Variants in LFNG observed in about 807,000 individuals in gnomAD.
LFNG encodes the protein LFNG O-fucosylpeptide 3-beta-N-acetylglucosaminyltransferase, also known as beta-1,3-N-acetylglucosaminyltransferase lunatic fringe.
In LFNG, 15 loss-of-function variants were observed where a neutral mutation model predicts 32.7. That is an observed-to-expected ratio of 0.46 (90% CI 0.31 to 0.71). The LOEUF (loss-of-function observed/expected upper bound fraction) is 0.71. LFNG is among the 30% of genes least tolerant of loss of function. The pLI is 0.06. For synonymous variants in LFNG, 274 were observed against 246.8 expected, an observed-to-expected ratio of 1.11 and a Z score of -1.03; for missense variants, 520 against 545.7, an observed-to-expected ratio of 0.95 and a Z score of 0.47.
In LFNG at chr7:2,525,219, G is replaced by T. The variant is rs1407063822; in HGVS notation, c.482G>T (p.Gly161Val). Residue 161 changes from glycine (G) to valine (V), a missense_variant and splice_region_variant, in exon 3 of 8, where the codon GGC becomes GTC. Gly to Val is a moderately radical substitution (Grantham distance 109). Transcript: ENST00000222725. ...CTCACAGCCGCTCCCCTGTCCACAG[G>T]CAACGTGGTCATCACAAACTGCTCG... ...GEDEALARHT[G>V]NVVITNCSAA... 1 of 1,612,474 alleles carries T rather than the reference G, an allele frequency of 6.2e-7. No homozygotes were observed. Among genetic ancestry groups the T allele is most frequent in the African/African-American group, 1.3e-5 (1 of 74,922 alleles).
rs145579363 is a variant in LFNG at position 2,527,747 on chromosome 7, G to A, written c.*535G>A. On this transcript the variant is annotated 3_prime_UTR_variant, in exon 8 of 8. Transcript: ENST00000222725. The surrounding 1 kb of genome is among the most constrained non-coding windows in gnomAD (Gnocchi z 4.4). ...CAATCCCCTTCCTCCTGGCCTGGAC[G>A]CTGTGGCTTAAGAGTAACAGCAGCC... 1.0e-3 allele frequency: 1,072 copies of A among 1,025,562 alleles called. 11 individuals are homozygous for A. The African/African-American group carries it at 0.016, about 16-fold the overall frequency. The allele number at this position is 1,025,562 out of a possible 1,614,324, so 63.5% of individuals were successfully genotyped here.
chr7:2,528,948 G>A, downstream of LFNG: 1 of 503,536 alleles, frequency 2.0e-6, no homozygotes, highest in Non-Finnish European at 3.6e-6. Context: ...GAGGCGCTCA[G>A]ACTCCAAGCC....
upstream of LFNG, among the ~76,000 whole-genome samples, chr7:2,513,724 G>A (rs1583267330): frequency 6.6e-6 from 1 of 152,228 alleles, no homozygotes; most frequent in Non-Finnish European, 1.5e-5. Flanking sequence ...GACAAAGGCC[G>A]GCTGGGGCAG....
chr7:2,524,498 C>G (rs1779888420), intron 1 of LFNG, 197 bp from the exon 2 acceptor site: 2 of 647,718 alleles, frequency 3.1e-6, no homozygotes, highest in African/African-American at 1.8e-5. Context: ...TGCGTGAGCT[C>G]TGGCCCAGAT....
At chr7:2,517,812 C>T (rs548688902), upstream of LFNG, 279 of 1,172,164 alleles carry the variant, frequency 2.4e-4, 3 homozygotes, top group South Asian at 2.2e-3. Flanking sequence ...GACTAAGTCA[C>T]GAGGTGCGTG....
At position 2,527,427 on chromosome 7, in the gene LFNG, T is replaced by C. The variant is rs868099397; in HGVS notation, c.*215T>C. 31 of 1,453,482 alleles carry C rather than the reference T, an allele frequency of 2.1e-5. No homozygotes were observed. The highest frequency in any genetic ancestry group is 2.5e-5 in the Non-Finnish European group (28 of 1,102,308). 90.0% of individuals were successfully genotyped at this position (1,453,482 alleles called of 1,614,324 possible). On this transcript the variant is annotated 3_prime_UTR_variant, in exon 8 of 8. Coordinates refer to ENST00000222725, the MANE Select transcript of LFNG (RefSeq NM_001040167.2). The surrounding 1 kb of genome is among the most constrained non-coding windows in gnomAD (Gnocchi z 4.4). ...GAGGGGCGGGCACCAGCGCCACTTA[T>C]GTGCCTCTGCTCCGAGGGCCAGTGG...
chr7:2,512,778 A>C, intron 1 of LFNG: 1 of 1,321,982 alleles, frequency 7.6e-7, no homozygotes, highest in South Asian at 1.2e-5. Context: ...GGAGCCCCCT[A>C]TGTCTCCCCC....
upstream of LFNG, among the ~76,000 whole-genome samples, chr7:2,518,864 C>A (rs994698908): frequency 6.6e-6 from 1 of 152,034 alleles, no homozygotes; most frequent in Non-Finnish European, 1.5e-5. Flanking sequence ...CCCTCACCCT[C>A]GGCTGCCGGC....
rs1160759190 is a variant in LFNG at position 2,527,875 on chromosome 7, G to C, written c.*663G>C. The C allele has an allele frequency of 3.0e-6, 3 of 994,966 alleles. No individual in the cohort carries two copies. The highest frequency in any genetic ancestry group is 3.6e-6 in the Non-Finnish European group (3 of 834,846). 61.6% of individuals were successfully genotyped at this position (994,966 alleles called of 1,614,324 possible). A position where few individuals can be genotyped will look rare whatever the true frequency, so the allele number is the denominator to read the frequency against. ...CTCTTCTGAGTGGGGAGTCTTCCAGGCCTCCTCAGAGGTCTTCCCTTTGCC... is the reference window on the plus strand; with the variant it reads ...CTCTTCTGAGTGGGGAGTCTTCCAGCCCTCCTCAGAGGTCTTCCCTTTGCC... On this transcript the variant is annotated 3_prime_UTR_variant, in exon 8 of 8. Transcript: ENST00000222725. This position sits in a 1 kb window ranked among gnomAD's most constrained non-coding sequence, Gnocchi z 4.4.
upstream of LFNG, among the ~76,000 whole-genome samples, chr7:2,514,962 C>T (rs1218127344): frequency 2.0e-5 from 3 of 152,022 alleles, no homozygotes; most frequent in Admixed American, 6.6e-5. Flanking sequence ...ATTCATCCAT[C>T]TATCCATCTG....
chr7:2,517,098 G>A (rs147628122), upstream of LFNG, among the ~76,000 whole-genome samples: 777 of 152,316 alleles, frequency 5.1e-3, 5 homozygotes, highest in South Asian at 8.5e-3. Flanking sequence ...CCAGGGCTGT[G>A]TGGCCCAGTG....
rs184758791 is a variant in LFNG, at chr7:2,525,874, G to A, written c.821+104G>A. 1.2e-4 allele frequency: 115 copies of A among 971,220 alleles called. No individual in the cohort carries two copies. In the East Asian group the frequency reaches 3.0e-3, roughly 25 times the overall value. The allele number at this position is 971,220 out of a possible 1,614,324, so 60.2% of individuals were successfully genotyped here. On this transcript the variant is annotated intron_variant, in intron 5 of 7. Transcript: ENST00000222725. ...AGCCATGGGGTGTCCCCAGCCTCCT[G>A]TGTGGCACTGCCCACTTACTTCCTA...
upstream of LFNG, among the ~76,000 whole-genome samples, chr7:2,514,836 A>ATTCATCTG (rs1779578660): frequency 6.7e-6 from 1 of 150,090 alleles, no homozygotes; most frequent in African/African-American, 2.5e-5. Context: ...CCATCCATCC[A>ATTCATCTG]TCCATCCATC....
chr7:2,524,731 G>A lies in LFNG; in HGVS notation c.469G>A (p.Ala157Thr). Residue 157 changes from alanine (A) to threonine (T), a missense_variant, in exon 2 of 8, where the codon GCC becomes ACC. Transcript: ENST00000222725. The stretch of plus-strand genomic sequence containing the variant: ...CACTGACGGGGAAGATGAGGCCCTG[G>A]CCAGGCACACGGGTGAGCCCTGGAC... The part of the protein sequence containing the change: ...IFTDGEDEAL[A>T]RHTGNVVITN... 3 of 1,590,366 alleles carry A rather than the reference G, an allele frequency of 1.9e-6. No homozygotes were observed. The highest frequency in any genetic ancestry group is 2.6e-6 in the Non-Finnish European group (3 of 1,168,608).
Position 2,527,205 on chromosome 7 carries a change from T to A in LFNG, c.1133T>A (p.Ile378Asn). The A allele has an allele frequency of 6.2e-7, 1 of 1,612,752 alleles. No homozygotes were observed. Among genetic ancestry groups the A allele is most frequent in the South Asian group, 1.1e-5 (1 of 91,082 alleles). The change falls in exon 8 of 8, where the codon ATC (isoleucine) becomes AAC (asparagine). Residue 378 changes from isoleucine (I) to asparagine (N), a missense_variant. Physicochemically the swap from Ile to Asn is moderately radical, Grantham distance 149 (BLOSUM62 -3). This residue lies in a region of LFNG where 150 missense variants were observed against 159.9 expected (regional missense o/e 0.94). Coordinates refer to ENST00000222725, the MANE Select transcript of LFNG (RefSeq NM_001040167.2). This position sits in a 1 kb window ranked among gnomAD's most constrained non-coding sequence, Gnocchi z 4.4. ...PDTPWCPRTA[I>N]F ...ACACCCTGGTGTCCCCGCACTGCCA[T>A]CTTCTAGTGGCCATGGCTGAGACCC... is the stretch of plus-strand genomic sequence containing the variant.
chr7:2,527,277 C>G lies in LFNG; in HGVS notation c.*65C>G. ...TCCAAAGGGCCCAGGGACCCTGTTG[C>G]GCTGCCCTGGCCTCGGCATTCGAGG... On this transcript the variant is annotated 3_prime_UTR_variant, in exon 8 of 8. Transcript: ENST00000222725. The surrounding 1 kb of genome is among the most constrained non-coding windows in gnomAD (Gnocchi z 4.4). The G allele has an allele frequency of 6.3e-7, 1 of 1,593,000 alleles. No individual in the cohort carries two copies. Among genetic ancestry groups the G allele is most frequent in the South Asian group, 1.1e-5 (1 of 89,504 alleles).
upstream of LFNG, among the ~76,000 whole-genome samples, chr7:2,519,044 C>A (rs1779701889): frequency 6.6e-6 from 1 of 152,164 alleles, no homozygotes; most frequent in Non-Finnish European, 1.5e-5. Flanking sequence ...TTTCATCCGG[C>A]GAGGGAAGTG....
upstream of LFNG, among the ~76,000 whole-genome samples, chr7:2,518,817 T>C (rs1449188237): frequency 6.6e-6 from 1 of 151,986 alleles, no homozygotes; most frequent in African/African-American, 2.4e-5. Context: ...GCTCACACCC[T>C]GCTCAGGCGA....
downstream of LFNG, chr7:2,528,889 CA>C (rs1312050265): frequency 3.6e-6 from 2 of 558,826 alleles, no homozygotes; most frequent in South Asian, 2.2e-5. Context: ...GAAACTGAGG[CA>C]CGGAGCAGCT....
Sources: gnomAD v4.1 joint callset for allele counts (sites outside exome capture counted in the v4.1 genomes callset) on GRCh38, gnomAD v4.1.1 for gene constraint, gnomAD v4.1.1 regional missense constraint, Gnocchi (gnomAD v3.1) non-coding constraint, MANE v1.5 for transcripts, NCBI Gene and HGNC (gene_info 2026-07-23, HGNC 2026-07-21) for gene names.